Variants in USP24 observed in about 807,000 individuals in gnomAD.
The protein encoded by USP24 is ubiquitin carboxyl-terminal hydrolase 24.
Under a neutral mutation model 361.6 loss-of-function variants are expected in USP24, and 97 were observed. That is an observed-to-expected ratio of 0.27 (90% CI 0.23 to 0.32). USP24 has a LOEUF of 0.32. Among genes scored for constraint, USP24 ranks in the 10% least tolerant of loss-of-function variants. The pLI, the probability that USP24 is intolerant of heterozygous loss-of-function variation, is 1.00. For missense variants in USP24, 2,353 were observed against 3,165.6 expected, an observed-to-expected ratio of 0.74 and a Z score of 6.16; for synonymous variants, 1,098 against 1,124.6, an observed-to-expected ratio of 0.98 and a Z score of 0.47.
chr1:55,171,742 G>A, intron 4 of USP24, 64 bp from the exon 5 acceptor site: 1 of 1,511,040 alleles, frequency 6.6e-7, no homozygotes. Context: ...ATTAGCATTA[G>A]AAAAGAAGAT....
intron 42 of USP24, 79 bp from the exon 43 acceptor site, chr1:55,101,782 C>G: frequency 7.0e-7 from 1 of 1,434,632 alleles, no homozygotes; most frequent in Non-Finnish European, 9.2e-7. Context: ...TATAGCTATG[C>G]GGGAGATATA....
At position 55,178,133 on chromosome 1, in the gene USP24, C is replaced by G. The variant is rs1413316879; in HGVS notation, c.325-1G>C. On this transcript the variant is annotated splice_acceptor_variant, in intron 1 of 67. Coordinates refer to ENST00000294383, the MANE Select transcript of USP24 (RefSeq NM_015306.3). LOFTEE classifies it high-confidence loss of function. Reference sequence around the variant, plus strand: ...AGCAGTTTCCATTCTCATCATTCTTCTGACGAAAAGGGATTAAGATAAAAA... The same window carrying G: ...AGCAGTTTCCATTCTCATCATTCTTGTGACGAAAAGGGATTAAGATAAAAA... The G allele has an allele frequency of 1.9e-6, 3 of 1,544,864 alleles. No individual in the cohort carries two copies. In the African/African-American group the frequency reaches 4.2e-5, roughly 22 times the overall value.
rs41298541 is a variant in USP24 at position 55,093,111 on chromosome 1, A to G, written c.6355-195T>C. Among the ~76,000 whole-genome samples the G allele has an allele frequency of 1.4e-3, 209 of 152,332 alleles. 1 individual carries two copies. Among genetic ancestry groups the G allele is most frequent in the Non-Finnish European group, 2.5e-3 (171 of 68,016 alleles). ...ACCTTCCTTTGACATATAAGATGTT[A>G]TAAGAACTATTATTCATTAAACCAT... On this transcript the variant is annotated intron_variant, in intron 52 of 67. Transcript: ENST00000294383.
Position 55,147,631 on chromosome 1 carries a change from A to G in USP24, c.2118+18T>C. 1 of 1,566,240 alleles carries G rather than the reference A, an allele frequency of 6.4e-7. No individual in the cohort carries two copies. ...ATTAATGTTGTAAATCATGAAGCAA[A>G]AACACAAGGCCTGATACCTCCCGGT... On this transcript the variant is annotated intron_variant, in intron 18 of 67. Coordinates refer to ENST00000294383, the MANE Select transcript of USP24 (RefSeq NM_015306.3).
chr1:55,128,402 T>C (rs958686021), intron 32 of USP24, among the ~76,000 whole-genome samples: 2 of 152,032 alleles, frequency 1.3e-5, no homozygotes, highest in African/African-American at 2.4e-5. Flanking sequence ...TATTCCCCAA[T>C]GAGACCCTTC....
rs374964784 is a variant in USP24, at chr1:55,134,209, A to T, written c.3288-46T>A. ...ATTTTTTCATATAAGCCATAGTTTA[A>T]TTCAACAAAGTCCATTAGTATGGAA... On this transcript the variant is annotated intron_variant, in intron 29 of 67. Transcript: ENST00000294383. The T allele has an allele frequency of 8.2e-6, 13 of 1,594,276 alleles. No homozygotes were observed. The Admixed American group carries it at 1.4e-4, about 17-fold the overall frequency.
chr1:55,124,886 A>ATG (rs144117194), intron 34 of USP24, among the ~76,000 whole-genome samples: 3,355 of 152,172 alleles, frequency 0.022, 67 homozygotes, highest in East Asian at 0.037. Flanking sequence ...CCCACATACT[A>ATG]TGACCTCATG....
At position 55,138,952 on chromosome 1, in the gene USP24, T is replaced by C. The variant is rs764097767; in HGVS notation, c.2809A>G (p.Thr937Ala). ...AAAAGGAAGTGGCTTACCTCTATAG[T>C]GATCACATAGCGCTCTGCCAGAAGC... The part of the protein sequence containing the change: ...LLLLAERYVI[T>A]IEDFYSVPRT... The change falls in exon 25 of 68, where the codon ACT becomes GCT. Residue 937 changes from threonine (T) to alanine (A), a missense_variant. Thr to Ala is a moderately conservative substitution (Grantham distance 58, BLOSUM62 0). Transcript: ENST00000294383. 1 of 1,612,804 alleles carries C rather than the reference T, an allele frequency of 6.2e-7. No individual in the cohort carries two copies. Among genetic ancestry groups the C allele is most frequent in the Admixed American group, 1.7e-5 (1 of 59,874 alleles).
Position 55,123,509 on chromosome 1 carries a change from A to G in USP24, c.4214T>C (p.Leu1405Pro), listed in dbSNP as rs1038091215. ...RQQSVSTKDS[L>P]IAGEALSLLV... ...AAGAGACAAAGCCTCTCCCGCAATC[A>G]GCGAGTCTTTGGTGGATACAGACTG... The change falls in exon 36 of 68, where the codon CTG becomes CCG. Residue 1405 changes from leucine to proline, a missense_variant. This residue lies in a region of USP24 where 949 missense variants were observed against 1,280.5 expected (regional missense o/e 0.74). Transcript: ENST00000294383. 6.2e-7 allele frequency: 1 copy of G among 1,604,974 alleles called. No homozygotes were observed. The highest frequency in any genetic ancestry group is 2.2e-5 in the East Asian group (1 of 44,618).
intron 1 of USP24, among the ~76,000 whole-genome samples, chr1:55,197,918 C>T (rs1644462933): frequency 6.6e-6 from 1 of 152,152 alleles, no homozygotes; most frequent in Non-Finnish European, 1.5e-5. Flanking sequence ...TTGTGAAAAG[C>T]AAATGCTATT....
At chr1:55,141,505 TTA>T in intron 24 of USP24, 109 bp downstream of exon 24, 2 of 989,298 alleles carry the variant, frequency 2.0e-6, no homozygotes, top group Non-Finnish European at 3.0e-6. Flanking sequence ...CTTGCAAAAA[TTA>T]TGATATAAAA....
intron 1 of USP24, among the ~76,000 whole-genome samples, chr1:55,194,261 A>G (rs943491380): frequency 1.3e-5 from 2 of 152,242 alleles, no homozygotes; most frequent in Non-Finnish European, 2.9e-5. Context: ...ACCATCTAAC[A>G]GATCTAATTG....
chr1:55,177,748 A>G (rs1169993914), intron 2 of USP24, among the ~76,000 whole-genome samples: 1 of 152,200 alleles, frequency 6.6e-6, no homozygotes, highest in Admixed American at 6.5e-5. Flanking sequence ...ATTTCCATTA[A>G]GCTTTTCAAT....
At chr1:55,190,164 C>CAAAAAAAAAAAAAAA in intron 1 of USP24, among the ~76,000 whole-genome samples, 1 of 78,730 alleles carries the variant, frequency 1.3e-5, no homozygotes, top group Non-Finnish European at 2.2e-5. Context: ...GACTCCATCT[C>CAAAAAAAAAAAAAAA]AAAAAAAAAA....
chr1:55,171,753 A>C (rs777101383), intron 4 of USP24, 75 bp from the exon 5 acceptor site: 26 of 1,480,350 alleles, frequency 1.8e-5, no homozygotes, highest in Non-Finnish European at 2.3e-5. Flanking sequence ...AAAAGAAGAT[A>C]AAAATATAGC....
At position 55,133,561 on chromosome 1, in the gene USP24, T is replaced by C. The variant is rs570090121; in HGVS notation, c.3381+509A>G. Among the ~76,000 whole-genome samples, 74 of 152,334 alleles carry C rather than the reference T, an allele frequency of 4.9e-4. 1 individual carries two copies. Among genetic ancestry groups the C allele is most frequent in the Middle Eastern group, 3.4e-3 (1 of 290 alleles). ...CCAGTTCTGACACCTGATGTCATTA[T>C]TGACTTTATATAAATACTTTAAAAG... is the stretch of plus-strand genomic sequence containing the variant. On this transcript the variant is annotated intron_variant, in intron 30 of 67. Transcript: ENST00000294383.
intron 28 of USP24, among the ~76,000 whole-genome samples, chr1:55,134,888 A>T (rs1310171177): frequency 6.6e-6 from 1 of 152,212 alleles, no homozygotes; most frequent in African/African-American, 2.4e-5. Context: ...CCCAAAGATC[A>T]GAAAAGACAA....
At chr1:55,083,631 A>T (rs1485755119) in intron 57 of USP24, 141 bp downstream of exon 57, 2 of 730,970 alleles carry the variant, frequency 2.7e-6, no homozygotes, top group East Asian at 2.7e-5. Flanking sequence ...CAGAATTCTT[A>T]CAAGTAATAT....
intron 28 of USP24, among the ~76,000 whole-genome samples, chr1:55,135,176 G>C (rs1646699446): frequency 6.6e-6 from 1 of 151,932 alleles, no homozygotes; most frequent in African/African-American, 2.4e-5. Flanking sequence ...TTGAGATGGG[G>C]GTCTCGCTAT....
Sources: gnomAD v4.1 joint callset for allele counts (sites outside exome capture counted in the v4.1 genomes callset) on GRCh38, gnomAD v4.1.1 for gene constraint, gnomAD v4.1.1 regional missense constraint, MANE v1.5 for transcripts, NCBI Gene and HGNC (gene_info 2026-07-23, HGNC 2026-07-21) for gene names.